NBEA: variants seen among roughly 807,000 people sequenced by gnomAD.
NBEA encodes neurobeachin, also known as lysosomal-trafficking regulator 2.
Under a neutral mutation model 343.4 loss-of-function variants are expected in NBEA, and 44 were observed. The ratio of observed to expected loss-of-function variants is 0.13; its 90% CI spans 0.10 to 0.16. The LOEUF (loss-of-function observed/expected upper bound fraction) is 0.16, where lower values mean the gene tolerates loss of function less well. Ranked by LOEUF, NBEA falls within the 10% of genes least tolerant of loss-of-function variation. The pLI is 1.00. For synonymous variants in NBEA, 1,175 were observed against 1,238.7 expected (o/e 0.95, Z 1.08); for missense variants, 2,555 against 3,631.3 (o/e 0.70, Z 7.62).
intron 41 of NBEA, among the ~76,000 whole-genome samples, chr13:35,514,788 G>C (rs2077421444): frequency 6.6e-6 from 1 of 152,166 alleles, no homozygotes; most frequent in Non-Finnish European, 1.5e-5. Context: ...GTAGGTGTTT[G>C]TGTATGTGTG....
chr13:35,422,999 GT>G lies in NBEA; in HGVS notation c.6180-9263del, dbSNP rs1472870315. Among the ~76,000 whole-genome samples, 3 of 152,060 alleles carry G rather than the reference GT, an allele frequency of 2.0e-5. No individual in the cohort carries two copies. In the South Asian group the frequency reaches 6.2e-4, roughly 32 times the overall value. ...CGCCCATTTGTTGATGGGGTTGTTT[GT>G]TTTTTTCTTGTAAATTTGTTTAAGT... On this transcript the variant is annotated intron_variant, in intron 38 of 58. Transcript: ENST00000379939.
At chr13:35,420,238 A>C (rs2044186454) in intron 38 of NBEA, among the ~76,000 whole-genome samples, 1 of 152,076 alleles carries the variant, frequency 6.6e-6, no homozygotes, top group Non-Finnish European at 1.5e-5. Context: ...TTCACTCTTA[A>C]GTATAAAGTT....
At chr13:35,465,194 T>C (rs935002940) in intron 40 of NBEA, among the ~76,000 whole-genome samples, 7 of 152,136 alleles carry the variant, frequency 4.6e-5, no homozygotes, top group Non-Finnish European at 8.8e-5. Context: ...AGATGTAATA[T>C]ATTAATTTAA....
chr13:35,658,871 G>T (rs1035791225), intron 55 of NBEA, among the ~76,000 whole-genome samples: 2 of 152,148 alleles, frequency 1.3e-5, no homozygotes, highest in Admixed American at 1.3e-4. Context: ...GCAACCATCT[G>T]TGTCGGTCTC....
chr13:35,404,067 G>A (rs1037774348), intron 38 of NBEA, among the ~76,000 whole-genome samples: 4 of 152,188 alleles, frequency 2.6e-5, no homozygotes, highest in African/African-American at 9.7e-5. Flanking sequence ...TCTCACACCA[G>A]TTAGAATGGC....
intron 45 of NBEA, among the ~76,000 whole-genome samples, chr13:35,568,433 AT>A (rs1386425632): frequency 6.6e-6 from 1 of 152,182 alleles, no homozygotes; most frequent in Non-Finnish European, 1.5e-5. Flanking sequence ...TCAACCAAAA[AT>A]TCTTAACTAT....
At chr13:35,668,308 T>G in intron 57 of NBEA, 60 bp from the exon 58 acceptor site, 3 of 1,498,598 alleles carry the variant, frequency 2.0e-6, no homozygotes, top group Non-Finnish European at 2.7e-6. Context: ...AGAGAAATGG[T>G]TGTTGTGTAT....
intron 12 of NBEA, among the ~76,000 whole-genome samples, chr13:35,110,053 AATG>A (rs2066117276): frequency 2.5e-4 from 7 of 28,276 alleles, no homozygotes; most frequent in African/African-American, 6.7e-4. Context: ...TTTTTTTTTA[AATG>A]TTTTTTTTTT....
At chr13:35,223,377 A>G (rs374098850) in intron 33 of NBEA, among the ~76,000 whole-genome samples, 23 of 152,246 alleles carry the variant, frequency 1.5e-4, no homozygotes, top group African/African-American at 5.1e-4. Context: ...TTATTTTACC[A>G]TCTTTTTCTA....
chr13:35,329,302 C>T (rs1314556814), intron 36 of NBEA, among the ~76,000 whole-genome samples: 1 of 151,940 alleles, frequency 6.6e-6, no homozygotes, highest in Non-Finnish European at 1.5e-5. Context: ...CAAGGTTAAA[C>T]ATATTTTTAC....
intron 41 of NBEA, among the ~76,000 whole-genome samples, chr13:35,539,203 C>G (rs548696490): frequency 1.8e-4 from 28 of 152,210 alleles, no homozygotes; most frequent in African/African-American, 6.3e-4. Context: ...AAGAAGTCAA[C>G]CAACAATTAT....
intron 40 of NBEA, among the ~76,000 whole-genome samples, chr13:35,456,160 G>A (rs914009928): frequency 5.3e-5 from 8 of 151,878 alleles, no homozygotes; most frequent in Admixed American, 3.9e-4. Flanking sequence ...CTTTTCTTAT[G>A]TTTCCTCCAT....
intron 35 of NBEA, among the ~76,000 whole-genome samples, chr13:35,298,819 A>G (rs2036337266): frequency 6.6e-6 from 1 of 151,962 alleles, no homozygotes; most frequent in Admixed American, 6.6e-5. Context: ...TGACTATTAT[A>G]TCGGTAATCT....
At chr13:35,449,308 G>A (rs2046188436) in intron 39 of NBEA, among the ~76,000 whole-genome samples, 1 of 152,222 alleles carries the variant, frequency 6.6e-6, no homozygotes, top group Non-Finnish European at 1.5e-5. Flanking sequence ...GGAAGGCGGT[G>A]TGAGTCAGGC....
intron 41 of NBEA, among the ~76,000 whole-genome samples, chr13:35,543,614 C>G (rs953008427): frequency 3.3e-5 from 5 of 152,104 alleles, no homozygotes; most frequent in Admixed American, 2.6e-4. Context: ...TGCTCCTACC[C>G]CTCAACAGAT....
chr13:35,041,370 A>T (rs1365119590), intron 2 of NBEA, among the ~76,000 whole-genome samples: 2 of 152,074 alleles, frequency 1.3e-5, no homozygotes, highest in African/African-American at 4.8e-5. Flanking sequence ...GACAAACATA[A>T]TTACTAATGT....
intron 1 of NBEA, among the ~76,000 whole-genome samples, chr13:35,028,698 A>C (rs888795992): frequency 6.6e-6 from 1 of 151,780 alleles, no homozygotes; most frequent in Non-Finnish European, 1.5e-5. Flanking sequence ...GTGGTTGTAC[A>C]ACTGTCAACA....
chr13:35,670,400 C>T (rs2085556557), intron 58 of NBEA, among the ~76,000 whole-genome samples: 1 of 152,178 alleles, frequency 6.6e-6, no homozygotes, highest in South Asian at 2.1e-4. Context: ...GTGACCTCCA[C>T]TTGGCAATGG....
chr13:35,214,261 A>G (rs1438703323), intron 33 of NBEA, among the ~76,000 whole-genome samples: 1 of 151,924 alleles, frequency 6.6e-6, no homozygotes. Context: ...ATGGCTGAAC[A>G]CTAGGAGAAA....
Sources: gnomAD v4.1 joint callset for allele counts (sites outside exome capture counted in the v4.1 genomes callset) on GRCh38, gnomAD v4.1.1 for gene constraint, MANE v1.5 for transcripts, NCBI Gene and HGNC (gene_info 2026-07-23, HGNC 2026-07-21) for gene names.